Variants in ZSWIM5 observed in about 807,000 individuals in gnomAD.
ZSWIM5 encodes the protein zinc finger SWIM-type containing 5, also known as zinc finger SWIM domain-containing protein 5.
A neutral mutation model predicts 119.6 loss-of-function variants in ZSWIM5; 55 were observed. The observed-to-expected ratio is 0.46, with a 90% confidence interval of 0.37 to 0.58. The LOEUF is 0.58. Among genes scored for constraint, ZSWIM5 ranks in the 20% least tolerant of loss-of-function variants. The probability of loss-of-function intolerance (pLI) is 0.00; values close to 1 mark genes in which losing one functional copy is unlikely to be tolerated. For missense variants in ZSWIM5, 1,193 were observed against 1,512.8 expected, an observed-to-expected ratio of 0.79 and a Z score of 3.51; for synonymous variants, 537 against 606.9, an observed-to-expected ratio of 0.88 and a Z score of 1.69.
chr1:45,074,087 T>C (rs1312525746), intron 2 of ZSWIM5, among the ~76,000 whole-genome samples: 6 of 152,020 alleles, frequency 3.9e-5, no homozygotes, highest in Admixed American at 3.9e-4. Flanking sequence ...AAATCCCACT[T>C]GGTCATGATA....
At chr1:45,107,354 T>C (rs1217192030) in intron 1 of ZSWIM5, among the ~76,000 whole-genome samples, 2 of 152,016 alleles carry the variant, frequency 1.3e-5, no homozygotes, top group Admixed American at 6.6e-5. Flanking sequence ...AAATAGTGAT[T>C]TAGGCTGGGC....
At chr1:45,042,318 G>GA (rs1275663600) in intron 6 of ZSWIM5, among the ~76,000 whole-genome samples, 3 of 152,062 alleles carry the variant, frequency 2.0e-5, no homozygotes, top group Admixed American at 6.5e-5. Context: ...CTGACCATTT[G>GA]AAAATCAAAA....
intron 4 of ZSWIM5, among the ~76,000 whole-genome samples, chr1:45,051,985 CCATTACTTT>C (rs1336443810): frequency 2.8e-5 from 4 of 143,752 alleles, no homozygotes; most frequent in African/African-American, 1.0e-4. Context: ...TGCCTTAAAA[CCATTACTTT>C]CTTGGGATTT....
At chr1:45,152,413 G>C (rs531888025) in intron 1 of ZSWIM5, among the ~76,000 whole-genome samples, 4 of 152,046 alleles carry the variant, frequency 2.6e-5, no homozygotes, top group Non-Finnish European at 5.9e-5. Context: ...ATCAGGAGTT[G>C]GTGATGGGTT....
intron 8 of ZSWIM5, among the ~76,000 whole-genome samples, chr1:45,038,468 G>T (rs1360068692): frequency 6.6e-6 from 1 of 151,910 alleles, no homozygotes; most frequent in Non-Finnish European, 1.5e-5. Flanking sequence ...CAGACCAAAG[G>T]GTAGGAAAGG....
At chr1:45,187,210 G>C (rs982544324) in intron 1 of ZSWIM5, among the ~76,000 whole-genome samples, 4 of 152,046 alleles carry the variant, frequency 2.6e-5, no homozygotes, top group African/African-American at 9.7e-5. Context: ...AAACTTACTA[G>C]AGCAAGAGTA....
intron 1 of ZSWIM5, among the ~76,000 whole-genome samples, chr1:45,196,480 T>G (rs922816838): frequency 7.2e-6 from 1 of 139,238 alleles, no homozygotes; most frequent in Non-Finnish European, 1.5e-5. Flanking sequence ...AAGTTCCGCC[T>G]CCTGGGCTTA....
At chr1:45,045,471 T>C (rs1445639193) in intron 5 of ZSWIM5, among the ~76,000 whole-genome samples, 1 of 152,200 alleles carries the variant, frequency 6.6e-6, no homozygotes, top group Non-Finnish European at 1.5e-5. Context: ...AATCTGGTCA[T>C]TTCTTTAGAA....
chr1:45,026,062 T>C (rs1453025374), intron 11 of ZSWIM5, among the ~76,000 whole-genome samples: 2 of 152,172 alleles, frequency 1.3e-5, no homozygotes, highest in African/African-American at 4.8e-5. Flanking sequence ...TTTTTTATCT[T>C]TAAGCTCTTT....
intron 1 of ZSWIM5, among the ~76,000 whole-genome samples, chr1:45,093,349 G>A (rs1049433454): frequency 1.3e-5 from 2 of 152,206 alleles, no homozygotes; most frequent in Non-Finnish European, 2.9e-5. Context: ...TAGAGCTCAA[G>A]TATCAATTTA....
intron 1 of ZSWIM5, among the ~76,000 whole-genome samples, chr1:45,200,471 G>A (rs139279547): frequency 4.3e-4 from 65 of 152,056 alleles, no homozygotes; most frequent in Middle Eastern, 6.8e-3. Context: ...AGCACTAATT[G>A]TAAACCATAG....
intron 1 of ZSWIM5, among the ~76,000 whole-genome samples, chr1:45,177,594 T>C (rs562073063): frequency 6.6e-6 from 1 of 152,236 alleles, no homozygotes; most frequent in African/African-American, 2.4e-5. Context: ...GGATTCTCTC[T>C]GCTGCTTTAT....
chr1:45,141,496 G>A (rs1645727146), intron 1 of ZSWIM5, among the ~76,000 whole-genome samples: 2 of 152,032 alleles, frequency 1.3e-5, no homozygotes, highest in Admixed American at 1.3e-4. Flanking sequence ...ATAATAAACA[G>A]AAGTGACATT....
chr1:45,035,971 T>G (rs912816630), intron 9 of ZSWIM5, 68 bp downstream of exon 9: 1 of 1,576,766 alleles, frequency 6.3e-7, no homozygotes, highest in East Asian at 2.2e-5. Context: ...GTACTTGTAC[T>G]CTATTGGAGA....
At chr1:45,176,662 T>C (rs1042746175) in intron 1 of ZSWIM5, among the ~76,000 whole-genome samples, 23 of 152,030 alleles carry the variant, frequency 1.5e-4, no homozygotes, top group Non-Finnish European at 1.8e-4. Context: ...AAATAACCAA[T>C]CTTTCATTGC....
intron 6 of ZSWIM5, among the ~76,000 whole-genome samples, chr1:45,040,987 A>T (rs571497440): frequency 6.6e-6 from 1 of 152,318 alleles, no homozygotes; most frequent in Non-Finnish European, 1.5e-5. Flanking sequence ...AGAGCTCACA[A>T]ATGATACATA....
chr1:45,113,733 C>A (rs1263594183), intron 1 of ZSWIM5, among the ~76,000 whole-genome samples: 1 of 152,144 alleles, frequency 6.6e-6, no homozygotes, highest in Non-Finnish European at 1.5e-5. Context: ...AAGAATAACT[C>A]CAAAAATCTA....
intron 1 of ZSWIM5, among the ~76,000 whole-genome samples, chr1:45,141,517 A>T (rs1317661429): frequency 6.6e-6 from 1 of 152,194 alleles, no homozygotes; most frequent in East Asian, 1.9e-4. Flanking sequence ...CATTGGAATT[A>T]TAGGCCATAG....
Position 45,035,772 on chromosome 1 carries a change from A to G in ZSWIM5, c.2207T>C (p.Met736Thr). The G allele has an allele frequency of 6.2e-7, 1 of 1,613,882 alleles. No individual in the cohort carries two copies. Among genetic ancestry groups the G allele is most frequent in the Non-Finnish European group, 8.5e-7 (1 of 1,180,010 alleles). ...GEVIHRESVP[M>T]HTFAKYLFSA... is the part of the protein sequence containing the mutation. Reference sequence around the variant, plus strand: ...GAACAAATACTTGGCAAAGGTATGCATGGGAACACTCTCTCGGTGGATGAC... The same window carrying G: ...GAACAAATACTTGGCAAAGGTATGCGTGGGAACACTCTCTCGGTGGATGAC... Residue 736 changes from methionine (M) to threonine (T), a missense_variant, in exon 10 of 14, where the codon ATG becomes ACG. Met to Thr is a moderately conservative substitution (Grantham distance 81, BLOSUM62 -1). Around this residue, in one of 2 missense-constraint regions of ZSWIM5, gnomAD observed 961 missense variants for 1,290.0 expected, o/e 0.74. Transcript: ENST00000359600.
Sources: gnomAD v4.1 joint callset for allele counts (sites outside exome capture counted in the v4.1 genomes callset) on GRCh38, gnomAD v4.1.1 for gene constraint, gnomAD v4.1.1 regional missense constraint, MANE v1.5 for transcripts, NCBI Gene and HGNC (gene_info 2026-07-23, HGNC 2026-07-21) for gene names.